PRKN: variants seen among roughly 807,000 people sequenced by gnomAD.
PRKN encodes the protein E3 ubiquitin-protein ligase parkin.
Under a neutral mutation model 59.5 loss-of-function variants are expected in PRKN, and 56 were observed. The ratio of observed to expected loss-of-function variants is 0.94; its 90% CI spans 0.76 to 1.18. PRKN has a LOEUF of 1.18. Ranked by LOEUF, PRKN falls within the 50% of genes most tolerant of loss-of-function variation. The pLI is 0.00. For missense variants in PRKN, 657 were observed against 596.4 expected, an observed-to-expected ratio of 1.10 and a Z score of -1.06; for synonymous variants, 250 against 222.1, an observed-to-expected ratio of 1.13 and a Z score of -1.12.
chr6:161,756,438 T>C (rs1456861498), intron 7 of PRKN, among the ~76,000 whole-genome samples: 1 of 101,350 alleles, frequency 9.9e-6, no homozygotes, highest in Non-Finnish European at 2.0e-5. Flanking sequence ...TGAAACCTTG[T>C]CTCGAAAAAA....
At chr6:161,854,084 T>TAAAA (rs34040894) in intron 6 of PRKN, among the ~76,000 whole-genome samples, 26 of 103,654 alleles carry the variant, frequency 2.5e-4, no homozygotes, top group African/African-American at 4.4e-4. Flanking sequence ...TGTTTCTACA[T>TAAAA]AAAAAAAAAA....
intron 3 of PRKN, among the ~76,000 whole-genome samples, chr6:162,225,795 T>C (rs138081079): frequency 2.6e-4 from 39 of 152,004 alleles, no homozygotes; most frequent in African/African-American, 9.2e-4. Flanking sequence ...GGAAATCTCA[T>C]ATAAAAGGAC....
At chr6:161,805,117 G>C (rs921233732) in intron 6 of PRKN, among the ~76,000 whole-genome samples, 3 of 152,124 alleles carry the variant, frequency 2.0e-5, no homozygotes, top group Non-Finnish European at 4.4e-5. Flanking sequence ...AAATTTAACA[G>C]TGGGAGGCTT....
intron 9 of PRKN, among the ~76,000 whole-genome samples, chr6:161,433,007 T>C (rs915650888): frequency 3.9e-5 from 6 of 152,172 alleles, no homozygotes; most frequent in Admixed American, 6.5e-5. Context: ...GCCAATAATT[T>C]CATGGCAAAG....
intron 9 of PRKN, among the ~76,000 whole-genome samples, chr6:161,520,314 T>C (rs1347593037): frequency 2.7e-5 from 4 of 150,132 alleles, no homozygotes; most frequent in African/African-American, 9.8e-5. Context: ...AACCTCTGCC[T>C]CCTGAGTTCA....
At chr6:161,469,733 G>A (rs1208564124) in intron 9 of PRKN, among the ~76,000 whole-genome samples, 2 of 152,178 alleles carry the variant, frequency 1.3e-5, no homozygotes, top group African/African-American at 4.8e-5. Flanking sequence ...CAGAAGGAAT[G>A]CAGCCCTGCG....
At chr6:162,533,489 C>T (rs1232149676) in intron 1 of PRKN, among the ~76,000 whole-genome samples, 1 of 151,446 alleles carries the variant, frequency 6.6e-6, no homozygotes, top group Non-Finnish European at 1.5e-5. Context: ...GATCGCACCA[C>T]TGCACTCAAG....
At chr6:162,387,234 CAAAAAAAA>C (rs34452454) in intron 2 of PRKN, among the ~76,000 whole-genome samples, 2 of 101,216 alleles carry the variant, frequency 2.0e-5, no homozygotes, top group Non-Finnish European at 4.2e-5. Flanking sequence ...AAAAAATAAG[CAAAAAAAA>C]AAAAAAAAAA....
chr6:162,377,059 T>G (rs918512862), intron 2 of PRKN, among the ~76,000 whole-genome samples: 1 of 152,094 alleles, frequency 6.6e-6, no homozygotes, highest in South Asian at 2.1e-4. Flanking sequence ...TCCCAAATCA[T>G]GAACGAGGAC....
intron 1 of PRKN, among the ~76,000 whole-genome samples, chr6:162,556,364 T>TGTGTGTGTGTGTGCGC (rs1554243421): frequency 1.1e-5 from 1 of 91,172 alleles, no homozygotes; most frequent in African/African-American, 3.2e-5. Flanking sequence ...TGTGTGTGTG[T>TGTGTGTGTGTGTGCGC]GTGTGTGTGT....
At chr6:161,522,006 A>C (rs768445274) in intron 9 of PRKN, among the ~76,000 whole-genome samples, 47 of 152,240 alleles carry the variant, frequency 3.1e-4, no homozygotes, top group Admixed American at 9.2e-4. Flanking sequence ...ATTCCAGAGA[A>C]AGCTCTGTTG....
intron 1 of PRKN, among the ~76,000 whole-genome samples, chr6:162,648,210 T>G (rs1470914423): frequency 6.6e-6 from 1 of 152,076 alleles, no homozygotes; most frequent in Non-Finnish European, 1.5e-5. Context: ...CCAGCAAGCT[T>G]CAAAATGCTC....
intron 5 of PRKN, among the ~76,000 whole-genome samples, chr6:162,027,508 T>C (rs1783480695): frequency 6.6e-6 from 1 of 152,124 alleles, no homozygotes; most frequent in African/African-American, 2.4e-5. Context: ...AAAAGTAGAA[T>C]AAGTAAGCAA....
At chr6:162,231,008 A>C (rs1026725405) in intron 3 of PRKN, among the ~76,000 whole-genome samples, 7 of 152,200 alleles carry the variant, frequency 4.6e-5, no homozygotes, top group African/African-American at 1.7e-4. Flanking sequence ...CCTGTACGAC[A>C]AATGCTGGAG....
intron 4 of PRKN, among the ~76,000 whole-genome samples, chr6:162,144,736 A>G (rs1781945904): frequency 6.6e-6 from 1 of 152,218 alleles, no homozygotes; most frequent in East Asian, 1.9e-4. Context: ...TTAGCTTGGC[A>G]TGAGCAAAAA....
chr6:161,569,319 T>C (rs1324469649), intron 8 of PRKN, 36 bp downstream of exon 8: 2 of 1,584,566 alleles, frequency 1.3e-6, no homozygotes, highest in Non-Finnish European at 1.7e-6. Context: ...CTATCTTTCA[T>C]GACAGTCTGA....
rs942111571 is a variant in PRKN, at chr6:162,147,021, G to A, written c.534+54110C>T. ...GCTGGGATTACAGGCCTGAGCTACC[G>A]TGCCCGGCCTTTTTTTATTTTGTCT... On this transcript the variant is annotated intron_variant, in intron 4 of 11. Coordinates refer to ENST00000366898, the MANE Select transcript of PRKN (RefSeq NM_004562.3). Among the ~76,000 whole-genome samples the A allele has an allele frequency of 4.0e-5, 6 of 149,948 alleles. No homozygotes were observed. The South Asian group carries it at 8.8e-4, about 22-fold the overall frequency.
intron 9 of PRKN, among the ~76,000 whole-genome samples, chr6:161,520,992 CA>C (rs1007287129): frequency 2.6e-4 from 40 of 152,304 alleles, no homozygotes; most frequent in African/African-American, 9.6e-4. Flanking sequence ...GATCATTGGT[CA>C]TTATTACGAA....
At chr6:162,154,794 C>T (rs1289826139) in intron 4 of PRKN, among the ~76,000 whole-genome samples, 1 of 151,948 alleles carries the variant, frequency 6.6e-6, no homozygotes, top group Admixed American at 6.6e-5. Context: ...CTCATGTACT[C>T]TTTCTTAATA....
Sources: gnomAD v4.1 joint callset for allele counts (sites outside exome capture counted in the v4.1 genomes callset) on GRCh38, gnomAD v4.1.1 for gene constraint, MANE v1.5 for transcripts, NCBI Gene and HGNC (gene_info 2026-07-23, HGNC 2026-07-21) for gene names.